Variants in ADGRG4 observed in about 807,000 individuals in gnomAD.
The protein encoded by ADGRG4 is adhesion G protein-coupled receptor G4, also known as G protein-coupled receptor 112.
In ADGRG4, 122 loss-of-function variants were observed where a neutral mutation model predicts 126.2. The observed-to-expected ratio is 0.97, with a 90% confidence interval of 0.83 to 1.12. The LOEUF is 1.12. Ranked by LOEUF, ADGRG4 falls within the 50% of genes most tolerant of loss-of-function variation. The probability of loss-of-function intolerance (pLI) is 0.00; values close to 1 mark genes in which losing one functional copy is unlikely to be tolerated. For missense variants in ADGRG4, 2,481 were observed against 2,251.8 expected (o/e 1.10, Z -2.06); for synonymous variants, 943 against 838.7 (o/e 1.12, Z -2.15).
intron 12 of ADGRG4, among the ~76,000 whole-genome samples, chrX:136,362,771 GAA>G (rs960948278): frequency 8.9e-6 from 1 of 111,759 alleles, no homozygotes; most frequent in African/African-American, 3.3e-5. Flanking sequence ...CTCAAATGCT[GAA>G]AGTAACGTCT....
intron 12 of ADGRG4, among the ~76,000 whole-genome samples, chrX:136,362,139 C>G (rs1179915141): frequency 2.7e-5 from 3 of 111,806 alleles, no homozygotes; most frequent in African/African-American, 9.8e-5. Flanking sequence ...AATCAGCCCT[C>G]TTTTCTCACT....
intron 4 of ADGRG4, among the ~76,000 whole-genome samples, chrX:136,321,535 C>T (rs754799993): frequency 9.0e-6 from 1 of 111,671 alleles, no homozygotes; most frequent in East Asian, 2.8e-4. Context: ...GTGGTGGTCC[C>T]AACGTTACAA....
intron 5 of ADGRG4, among the ~76,000 whole-genome samples, chrX:136,330,789 A>G (rs756247842): frequency 8.9e-6 from 1 of 111,738 alleles, no homozygotes; most frequent in African/African-American, 3.3e-5. Flanking sequence ...TAATCATATC[A>G]TGGTACCCAT....
chrX:136,305,301 T>C (rs2074726235), intron 3 of ADGRG4, among the ~76,000 whole-genome samples: 1 of 111,670 alleles, frequency 9.0e-6, no homozygotes, highest in African/African-American at 3.3e-5. Context: ...GTTGAAGATA[T>C]GAGATGAAGA....
chrX:136,384,547 G>A (rs2075283383), intron 15 of ADGRG4, among the ~76,000 whole-genome samples: 1 of 111,564 alleles, frequency 9.0e-6, no homozygotes, highest in Admixed American at 9.5e-5. Flanking sequence ...GTTCTATTTG[G>A]TATCACTTCC....
intron 1 of ADGRG4, among the ~76,000 whole-genome samples, chrX:136,303,472 A>T (rs1410334239): frequency 9.0e-6 from 1 of 111,694 alleles, no homozygotes; most frequent in Admixed American, 9.6e-5. Flanking sequence ...AGACAGACAG[A>T]CAGACAGACA....
At position 136,348,677 on chromosome X, in the gene ADGRG4, A is replaced by T. The variant is rs2075037111; in HGVS notation, c.4971A>T (p.Lys1657Asn). Reference sequence around the variant, plus strand: ...CAGAGCCAACTTTGCCCTTTGTAAAAACCGTTCCCACCACCATTATGGCTG... The same window carrying T: ...CAGAGCCAACTTTGCCCTTTGTAAATACCGTTCCCACCACCATTATGGCTG... ...SPTEPTLPFV[K>N]TVPTTIMAGI... The change falls in exon 6 of 26, where the codon AAA becomes AAT. Residue 1657 changes from lysine (K) to asparagine (N), a missense_variant. Lys to Asn is a moderately conservative substitution (Grantham distance 94). Transcript: ENST00000394143. 1 of 1,207,627 alleles carries T rather than the reference A, an allele frequency of 8.3e-7. No homozygotes were observed. The highest frequency in any genetic ancestry group is 1.8e-5 in the African/African-American group (1 of 56,634).
rs1832711336 is a variant in ADGRG4, at chrX:136,346,875, A to G, written c.3169A>G (p.Thr1057Ala). 2.5e-6 allele frequency: 3 copies of G among 1,210,470 alleles called. No individual in the cohort carries two copies. The highest frequency in any genetic ancestry group is 3.4e-6 in the Non-Finnish European group (3 of 894,492). ...CTCAGATGTCTCAAATCTATCCTCA[A>G]CTACAATGACCACAGCATTGGTACC... The part of the protein sequence containing the change: ...VLSDVSNLSS[T>A]TMTTALVPPL... The change falls in exon 6 of 26, where the codon ACT (threonine) becomes GCT (alanine). Residue 1057 changes from threonine to alanine, a missense_variant. By Grantham distance (58) the Thr-to-Ala change is moderately conservative (BLOSUM62 0). Transcript: ENST00000394143.
Position 136,406,913 on chromosome X carries a change from CAAAA to C in ADGRG4, c.8935+954_8935+957del, listed in dbSNP as rs759585174. ...CCTGGGCAACAAAGAGAGACTCTGTCAAAAAAAAAAAAAAAAGCTAGAGTCTGGT... is the reference window on the plus strand; with the variant it reads ...CCTGGGCAACAAAGAGAGACTCTGTCAAAAAAAAAAAAGCTAGAGTCTGGT... On this transcript the variant is annotated intron_variant, in intron 23 of 25. Transcript: ENST00000394143. Among the ~76,000 whole-genome samples, 36 of 58,229 alleles carry C rather than the reference CAAAA, an allele frequency of 6.2e-4. No individual in the cohort carries two copies. In the East Asian group the frequency reaches 0.017, roughly 28 times the overall value. 50.6% of individuals were successfully genotyped at this position (58,229 alleles called of 115,157 possible).
Position 136,405,710 on chromosome X carries a change from TTCTA to T in ADGRG4, c.8677_8680del (p.Ile2893PhefsTer15). 1 of 1,173,257 alleles carries T rather than the reference TTCTA, an allele frequency of 8.5e-7. No individual in the cohort carries two copies. Among genetic ancestry groups the T allele is most frequent in the South Asian group, 2.0e-5 (1 of 50,891 alleles). On this transcript the variant is annotated frameshift_variant, in exon 23 of 26. Coordinates refer to ENST00000394143, the MANE Select transcript of ADGRG4 (RefSeq NM_153834.4). LOFTEE classifies it high-confidence loss of function. ...CTTACAGTTGTTGGATTAAAGATGA[TTCTA>T]TCTTTTACATCTCAGTGGTGGCTTA... is the stretch of plus-strand genomic sequence containing the variant.
Position 136,350,042 on chromosome X carries a change from A to G in ADGRG4, c.6336A>G (p.Thr2112=). ...ACCCTGAGGCATCCTCCAGAACCAC[A>G]ATAACTGCCAACCCCAGGACTGTGT... ...STHPEASSRT[T]ITANPRTVSH... The change falls in exon 6 of 26, where the codon ACA becomes ACG. Residue 2112 remains threonine, a synonymous_variant. Transcript: ENST00000394143. 1 of 1,210,852 alleles carries G rather than the reference A, an allele frequency of 8.3e-7. No homozygotes were observed. Among genetic ancestry groups the G allele is most frequent in the Non-Finnish European group, 1.1e-6 (1 of 895,024 alleles).
intron 15 of ADGRG4, among the ~76,000 whole-genome samples, chrX:136,377,383 G>A (rs1054249766): frequency 3.7e-5 from 4 of 108,537 alleles, no homozygotes; most frequent in African/African-American, 1.3e-4. Flanking sequence ...TGTAGAGATG[G>A]GGCTCTCACT....
chrX:136,400,741 T>G (rs1237405674), intron 21 of ADGRG4, among the ~76,000 whole-genome samples: 2 of 112,281 alleles, frequency 1.8e-5, no homozygotes, highest in African/African-American at 6.5e-5. Flanking sequence ...CAGAACCTGA[T>G]TCTCATCACA....
chrX:136,337,100 G>T (rs2074952387), intron 5 of ADGRG4, among the ~76,000 whole-genome samples: 1 of 110,994 alleles, frequency 9.0e-6, no homozygotes, highest in Non-Finnish European at 1.9e-5. Context: ...AAGTAGCTGG[G>T]ACTATAGGTG....
At chrX:136,398,778 A>G (rs2075363920) in intron 20 of ADGRG4, among the ~76,000 whole-genome samples, 2 of 111,857 alleles carry the variant, frequency 1.8e-5, no homozygotes, top group South Asian at 3.7e-4. Context: ...ACTCTTAGAT[A>G]TATACTCAAG....
At chrX:136,330,447 C>A (rs2074902177) in intron 5 of ADGRG4, among the ~76,000 whole-genome samples, 1 of 107,882 alleles carries the variant, frequency 9.3e-6, no homozygotes, top group Non-Finnish European at 1.9e-5. Context: ...TTGAGTGTCT[C>A]AATAGTTTAC....
At chrX:136,356,213 G>A (rs781493548) in intron 9 of ADGRG4, 48 bp downstream of exon 9, 1 of 898,714 alleles carries the variant, frequency 1.1e-6, no homozygotes, top group Non-Finnish European at 1.6e-6. Flanking sequence ...TCCTATGCCT[G>A]ATTAGATGTA....
intron 14 of ADGRG4, 51 bp from the exon 15 acceptor site, chrX:136,372,851 G>A: frequency 8.6e-7 from 1 of 1,167,092 alleles, no homozygotes; most frequent in African/African-American, 1.8e-5. Context: ...AGGAGGATGG[G>A]TTTTACTTTT....
At chrX:136,328,110 T>A (rs2074885715) in intron 5 of ADGRG4, among the ~76,000 whole-genome samples, 1 of 111,727 alleles carries the variant, frequency 9.0e-6, no homozygotes, top group South Asian at 3.7e-4. Context: ...CTGCATCTTT[T>A]AAAAATTTAA....
Sources: allele counts gnomAD v4.1 joint callset (sites outside exome capture counted in the v4.1 genomes callset), GRCh38; gene constraint gnomAD v4.1.1; transcripts MANE v1.5; gene names NCBI Gene and HGNC (gene_info 2026-07-23, HGNC 2026-07-21).